Variants in SLC25A12 observed in about 807,000 individuals in gnomAD.
SLC25A12 encodes solute carrier family 25 member 12, also known as electrogenic aspartate/glutamate antiporter SLC25A12, mitochondrial.
Under a neutral mutation model 83.3 loss-of-function variants are expected in SLC25A12, and 32 were observed. That is an observed-to-expected ratio of 0.38 (90% CI 0.29 to 0.52). The LOEUF (loss-of-function observed/expected upper bound fraction) is 0.52. Ranked by LOEUF, SLC25A12 falls within the 20% of genes least tolerant of loss-of-function variation. The pLI, the probability that SLC25A12 is intolerant of heterozygous loss-of-function variation, is 0.84. For missense variants in SLC25A12, 611 were observed against 835.6 expected (o/e 0.73, Z 3.31); for synonymous variants, 267 against 291.1 (o/e 0.92, Z 0.84).
chr2:171,889,597 T>G (rs1414748206), intron 2 of SLC25A12, among the ~76,000 whole-genome samples: 1 of 152,180 alleles, frequency 6.6e-6, no homozygotes, highest in Non-Finnish European at 1.5e-5. Context: ...CAAATCCAAA[T>G]TCCTTGGCTA....
At position 171,837,229 on chromosome 2, in the gene SLC25A12, G is replaced by A. The variant is rs369253294; in HGVS notation, c.504C>T (p.Leu168=). 1.4e-5 allele frequency: 23 copies of A among 1,614,000 alleles called. No individual in the cohort carries two copies. The highest frequency in any genetic ancestry group is 1.9e-5 in the Non-Finnish European group (23 of 1,179,968). The change falls in exon 6 of 18, where the codon CTC becomes CTT. Residue 168 remains leucine, a synonymous_variant. Coordinates refer to ENST00000422440, the MANE Select transcript of SLC25A12 (RefSeq NM_003705.5). ...QLEHARQAFA[L]KDKSKSGMIS... ...TCATGCCACTTTTGCTTTTGTCTTT[G>A]AGTGCAAAGGCTTGTCTTGCATGTT...
intron 2 of SLC25A12, among the ~76,000 whole-genome samples, chr2:171,875,771 GGT>G (rs1327821944): frequency 6.6e-6 from 1 of 152,016 alleles, no homozygotes; most frequent in African/African-American, 2.4e-5. Context: ...AAATTAGCTG[GGT>G]GTGGTGGCGG....
At chr2:171,852,280 A>G (rs909595938) in intron 4 of SLC25A12, among the ~76,000 whole-genome samples, 11 of 152,206 alleles carry the variant, frequency 7.2e-5, no homozygotes, top group African/African-American at 2.4e-4. Context: ...TAAATGTTCA[A>G]TATTACTACT....
At chr2:171,791,899 CAG>C (rs1683469383) in intron 14 of SLC25A12, among the ~76,000 whole-genome samples, 1 of 152,090 alleles carries the variant, frequency 6.6e-6, no homozygotes, top group Admixed American at 6.5e-5. Flanking sequence ...TATATAGATT[CAG>C]AGTTTTTAAA....
intron 13 of SLC25A12, among the ~76,000 whole-genome samples, chr2:171,804,111 ACTG>A (rs1344348258): frequency 2.0e-5 from 3 of 152,204 alleles, no homozygotes; most frequent in Non-Finnish European, 4.4e-5. Flanking sequence ...GAATGAACAA[ACTG>A]TAGTATATCC....
intron 2 of SLC25A12, among the ~76,000 whole-genome samples, chr2:171,874,850 A>T (rs1020618412): frequency 5.9e-5 from 9 of 152,190 alleles, no homozygotes; most frequent in Non-Finnish European, 7.3e-5. Context: ...GCAGGAGAAC[A>T]GGGTCTGGAG....
chr2:171,839,464 G>C (rs894241377), intron 5 of SLC25A12, among the ~76,000 whole-genome samples: 1 of 152,166 alleles, frequency 6.6e-6, no homozygotes, highest in Non-Finnish European at 1.5e-5. Flanking sequence ...TGAAGGGAAA[G>C]ATCCTATGCC....
At chr2:171,880,539 A>C (rs1018450460) in intron 2 of SLC25A12, among the ~76,000 whole-genome samples, 21 of 152,172 alleles carry the variant, frequency 1.4e-4, no homozygotes, top group African/African-American at 4.8e-4. Context: ...CAGCCTTCGA[A>C]AGTGCTGGGA....
At chr2:171,838,727 T>C (rs1684611736) in intron 5 of SLC25A12, among the ~76,000 whole-genome samples, 1 of 152,152 alleles carries the variant, frequency 6.6e-6, no homozygotes, top group African/African-American at 2.4e-5. Context: ...AGGACTCTTA[T>C]TTGTCTTTTA....
intron 2 of SLC25A12, among the ~76,000 whole-genome samples, chr2:171,885,176 C>CAA (rs11458998): frequency 0.015 from 1,828 of 120,420 alleles, 25 homozygotes; most frequent in Non-Finnish European, 0.023. Flanking sequence ...GACTCCGTCT[C>CAA]AAAAAAAAAA....
In SLC25A12 at chr2:171,837,083, G is replaced by C. The variant is rs1403609042; in HGVS notation, c.612+38C>G. 9 of 1,608,396 alleles carry C rather than the reference G, an allele frequency of 5.6e-6. No individual in the cohort carries two copies. The Admixed American group carries it at 6.7e-5, about 12-fold the overall frequency. On this transcript the variant is annotated intron_variant, in intron 6 of 17. Coordinates refer to ENST00000422440, the MANE Select transcript of SLC25A12 (RefSeq NM_003705.5). ...CAGGACTCAATGGATCAAAAGGTTT[G>C]AGGAAATAGAAAGTTAAAGAACTTG... is the stretch of plus-strand genomic sequence containing the variant.
At chr2:171,819,215 AATAC>A in intron 9 of SLC25A12, among the ~76,000 whole-genome samples, 1 of 134,258 alleles carries the variant, frequency 7.4e-6, no homozygotes, top group Non-Finnish European at 1.5e-5. Flanking sequence ...TATAATATAT[AATAC>A]ATATTATATA....
intron 3 of SLC25A12, among the ~76,000 whole-genome samples, chr2:171,867,803 A>C (rs1044363752): frequency 3.3e-5 from 5 of 152,184 alleles, no homozygotes; most frequent in Non-Finnish European, 7.3e-5. Flanking sequence ...ATTAATATTG[A>C]TGCAGCAGTG....
chr2:171,869,727 T>C (rs886583808), intron 2 of SLC25A12, among the ~76,000 whole-genome samples: 1 of 152,194 alleles, frequency 6.6e-6, no homozygotes, highest in African/African-American at 2.4e-5. Context: ...TTGAGTTGCA[T>C]CAGATTGATT....
At chr2:171,884,149 G>C (rs991590871) in intron 2 of SLC25A12, among the ~76,000 whole-genome samples, 3 of 149,934 alleles carry the variant, frequency 2.0e-5, no homozygotes, top group Non-Finnish European at 4.4e-5. Flanking sequence ...CAAAGAGGTG[G>C]GATTACAGGA....
chr2:171,852,587 A>C (rs1322632216), intron 4 of SLC25A12: 3 of 424,448 alleles, frequency 7.1e-6, no homozygotes, highest in Non-Finnish European at 1.4e-5. Context: ...TGGATCTAAA[A>C]TTTCCTTTTA....
In SLC25A12 at chr2:171,883,752, C is replaced by T. The variant is rs1685747542; in HGVS notation, c.66+9453G>A. On this transcript the variant is annotated intron_variant, in intron 2 of 17. Coordinates refer to ENST00000422440, the MANE Select transcript of SLC25A12 (RefSeq NM_003705.5). ...AATATTGCCTCCTAAGGGCCCTTCACTGACCACTCTCTTGAAAAATGATTT... is the reference window on the plus strand; with the variant it reads ...AATATTGCCTCCTAAGGGCCCTTCATTGACCACTCTCTTGAAAAATGATTT... 2.0e-5 allele frequency among the ~76,000 whole-genome samples: 3 copies of T among 152,214 alleles called. 1 individual carries two copies. Among genetic ancestry groups the T allele is most frequent in the Admixed American group, 2.0e-4 (3 of 15,280 alleles).
At chr2:171,831,951 C>T (rs943026786) in intron 8 of SLC25A12, among the ~76,000 whole-genome samples, 6 of 151,968 alleles carry the variant, frequency 3.9e-5, no homozygotes, top group Non-Finnish European at 8.8e-5. Flanking sequence ...TAGATCTTCC[C>T]CTGTCTACAA....
At chr2:171,863,115 C>T (rs1437534191) in intron 3 of SLC25A12, among the ~76,000 whole-genome samples, 1 of 152,042 alleles carries the variant, frequency 6.6e-6, no homozygotes, top group Non-Finnish European at 1.5e-5. Flanking sequence ...GTTGTCCAAG[C>T]TGGTCTCAAA....
Sources: allele counts gnomAD v4.1 joint callset (sites outside exome capture counted in the v4.1 genomes callset), GRCh38; gene constraint gnomAD v4.1.1; transcripts MANE v1.5; gene names NCBI Gene and HGNC (gene_info 2026-07-23, HGNC 2026-07-21).